Variants in NAALADL2 observed in about 807,000 individuals in gnomAD.
NAALADL2 encodes inactive N-acetylated-alpha-linked acidic dipeptidase-like protein 2.
NAALADL2 carries 76 observed loss-of-function variants against 87.2 expected under a neutral mutation model. That is an observed-to-expected ratio of 0.87 (90% CI 0.72 to 1.05). The LOEUF is 1.05. Ranked by LOEUF, NAALADL2 falls within the 50% of genes least tolerant of loss-of-function variation. The pLI, the probability that NAALADL2 is intolerant of heterozygous loss-of-function variation, is 0.00. For synonymous variants in NAALADL2, 354 were observed against 331.0 expected, an observed-to-expected ratio of 1.07 and a Z score of -0.75; for missense variants, 1,089 against 945.8, an observed-to-expected ratio of 1.15 and a Z score of -1.99.
At chr3:174,547,251 T>C (rs1711512857) in intron 1 of NAALADL2, among the ~76,000 whole-genome samples, 2 of 152,152 alleles carry the variant, frequency 1.3e-5, no homozygotes, top group South Asian at 2.1e-4. Flanking sequence ...GTCACATAAA[T>C]TGTCCTGCAT....
chr3:174,605,953 A>T (rs1396463518), intron 2 of NAALADL2, among the ~76,000 whole-genome samples: 1 of 151,692 alleles, frequency 6.6e-6, no homozygotes, highest in Non-Finnish European at 1.5e-5. Context: ...ACATGGCCGG[A>T]TACTCCTCTG....
chr3:174,810,197 C>T (rs531214953), intron 3 of NAALADL2, among the ~76,000 whole-genome samples: 1 of 152,184 alleles, frequency 6.6e-6, no homozygotes, highest in East Asian at 1.9e-4. Context: ...TGGGACATTG[C>T]TGTAAAAATA....
At chr3:174,820,643 T>C (rs1239547763) in intron 3 of NAALADL2, among the ~76,000 whole-genome samples, 1 of 152,122 alleles carries the variant, frequency 6.6e-6, no homozygotes, top group Non-Finnish European at 1.5e-5. Context: ...AAGCAAATTT[T>C]AGACAACCAT....
intron 13 of NAALADL2, among the ~76,000 whole-genome samples, chr3:175,791,170 C>CTA (rs1427422346): frequency 3.9e-5 from 6 of 152,138 alleles, no homozygotes; most frequent in Admixed American, 2.0e-4. Context: ...GAAAAATGTG[C>CTA]TATATAGCGG....
At chr3:175,656,931 G>A (rs1731547549) in intron 11 of NAALADL2, among the ~76,000 whole-genome samples, 1 of 152,088 alleles carries the variant, frequency 6.6e-6, no homozygotes, top group African/African-American at 2.4e-5. Context: ...TTATAATTGA[G>A]CACCTATGAT....
At chr3:175,524,341 A>G (rs1192442574) in intron 9 of NAALADL2, among the ~76,000 whole-genome samples, 1 of 152,182 alleles carries the variant, frequency 6.6e-6, no homozygotes, top group African/African-American at 2.4e-5. Flanking sequence ...ATTAGTAATG[A>G]CAGTATAAGA....
rs146387985 is a variant in NAALADL2 at position 174,998,277 on chromosome 3, T to G, written c.44-98513T>G. Among the ~76,000 whole-genome samples the G allele has an allele frequency of 2.6e-3, 396 of 152,352 alleles. 2 individuals are homozygous for G. The highest frequency in any genetic ancestry group is 8.9e-3 in the African/African-American group (371 of 41,588). On this transcript the variant is annotated intron_variant, in intron 1 of 13. Transcript: ENST00000454872. ...AGGGAAACTGAGGCAGCCAAACATT[T>G]GTGATCTATTCACTGGAAACTCATA...
intron 1 of NAALADL2, among the ~76,000 whole-genome samples, chr3:175,018,032 T>C (rs1449557694): frequency 6.6e-6 from 1 of 152,014 alleles, no homozygotes. Flanking sequence ...AAAATGATAT[T>C]AGCATCCAGC....
At chr3:175,203,615 C>G (rs13317929) in intron 2 of NAALADL2, among the ~76,000 whole-genome samples, 1,313 of 116,906 alleles carry the variant, frequency 0.011, 25 homozygotes, top group African/African-American at 0.033. Flanking sequence ...TCTCCTCATG[C>G]TGCTCTGTCC....
At chr3:175,302,848 A>G (rs1372978529) in intron 4 of NAALADL2, among the ~76,000 whole-genome samples, 1 of 148,802 alleles carries the variant, frequency 6.7e-6, no homozygotes, top group African/African-American at 2.5e-5. Flanking sequence ...ATGTGTGTGT[A>G]TGTGTGTGTG....
intron 13 of NAALADL2, among the ~76,000 whole-genome samples, chr3:175,779,198 T>C (rs1338884818): frequency 6.6e-6 from 1 of 152,232 alleles, no homozygotes; most frequent in Non-Finnish European, 1.5e-5. Flanking sequence ...CATAGGAATT[T>C]AATCTCCTGC....
intron 2 of NAALADL2, among the ~76,000 whole-genome samples, chr3:175,139,317 A>G (rs1729637841): frequency 6.6e-6 from 1 of 152,068 alleles, no homozygotes; most frequent in Non-Finnish European, 1.5e-5. Flanking sequence ...ATACCTGAAA[A>G]AGTGATTCAT....
rs371367999 is a variant in NAALADL2, at chr3:174,501,233, T to C, written c.-183-49336T>C. 3.1e-4 allele frequency among the ~76,000 whole-genome samples: 46 copies of C among 148,672 alleles called. 3 individuals are homozygous for C. The highest frequency in any genetic ancestry group is 1.1e-3 in the African/African-American group (43 of 38,832). The stretch of plus-strand genomic sequence containing the variant: ...AGCTGGGACTACAGGCGCCCGCCAC[T>C]ACGCCCGGCTAATTTTTTGTATTTT... On this transcript the variant is annotated intron_variant, in intron 1 of 3. Coordinates refer to the NAALADL2 transcript ENST00000434257.
At chr3:175,304,113 T>C (rs1757413629) in intron 4 of NAALADL2, among the ~76,000 whole-genome samples, 1 of 152,074 alleles carries the variant, frequency 6.6e-6, no homozygotes, top group South Asian at 2.1e-4. Flanking sequence ...AAGTAATCAT[T>C]ATGAATTCAA....
intron 1 of NAALADL2, among the ~76,000 whole-genome samples, chr3:174,519,474 T>C (rs1720135222): frequency 6.6e-6 from 1 of 151,804 alleles, no homozygotes. Flanking sequence ...GATTATTATA[T>C]GCATGCGACA....
intron 2 of NAALADL2, among the ~76,000 whole-genome samples, chr3:175,140,735 G>T (rs889435221): frequency 6.6e-6 from 1 of 152,140 alleles, no homozygotes; most frequent in African/African-American, 2.4e-5. Context: ...AAAAGGGAAT[G>T]CCAGCCATGT....
intron 3 of NAALADL2, among the ~76,000 whole-genome samples, chr3:174,839,633 C>CA (rs1178293112): frequency 6.6e-6 from 1 of 151,540 alleles, no homozygotes; most frequent in African/African-American, 2.4e-5. Context: ...ATAACTAACT[C>CA]AAAAAAATCA....
At chr3:175,013,712 T>G (rs1415181483) in intron 1 of NAALADL2, among the ~76,000 whole-genome samples, 1 of 152,054 alleles carries the variant, frequency 6.6e-6, no homozygotes, top group African/African-American at 2.4e-5. Context: ...CCCCTGAATG[T>G]TTTCTGACTT....
At chr3:174,810,208 C>T (rs1050420713) in intron 3 of NAALADL2, among the ~76,000 whole-genome samples, 4 of 152,176 alleles carry the variant, frequency 2.6e-5, no homozygotes, top group Non-Finnish European at 5.9e-5. Flanking sequence ...TGTAAAAATA[C>T]CTGTAAATGT....
Sources: allele counts gnomAD v4.1 joint callset (sites outside exome capture counted in the v4.1 genomes callset), GRCh38; gene constraint gnomAD v4.1.1; transcripts MANE v1.5; gene names NCBI Gene and HGNC (gene_info 2026-07-23, HGNC 2026-07-21).